The following MMP16 variants were observed in gnomAD, a reference collection of about 807,000 sequenced individuals.
MMP16 encodes the protein matrix metallopeptidase 16.
In MMP16, 12 loss-of-function variants were observed where a neutral mutation model predicts 67.8. That is an observed-to-expected ratio of 0.18 (90% CI 0.11 to 0.29). The LOEUF (loss-of-function observed/expected upper bound fraction) is 0.29. MMP16 is among the 10% of genes least tolerant of loss of function. The pLI is 1.00. For synonymous variants in MMP16, 249 were observed against 255.9 expected, an observed-to-expected ratio of 0.97 and a Z score of 0.26; for missense variants, 475 against 765.7, an observed-to-expected ratio of 0.62 and a Z score of 4.48.
intron 4 of MMP16, among the ~76,000 whole-genome samples, chr8:88,155,209 C>G (rs761019468): frequency 6.6e-6 from 1 of 151,846 alleles, no homozygotes; most frequent in Non-Finnish European, 1.5e-5. Flanking sequence ...ATTTCTAAAA[C>G]AAATATTTAT....
At chr8:88,167,492 A>C (rs750708486) in intron 4 of MMP16, among the ~76,000 whole-genome samples, 177 bp downstream of exon 4, 5 of 152,202 alleles carry the variant, frequency 3.3e-5, no homozygotes, top group African/African-American at 4.8e-5. Flanking sequence ...TAACTATATT[A>C]TCTAATGACC....
rs1808027490 is a variant in MMP16, at chr8:88,034,368, CAAAT to C, written c.*7089_*7092del. 1.3e-5 allele frequency: 2 copies of C among 152,070 alleles called. No homozygotes were observed. Among genetic ancestry groups the C allele is most frequent in the African/African-American group, 4.8e-5 (2 of 41,276 alleles). The allele number at this position is 152,070 out of a possible 1,614,324, so 9.4% of individuals were successfully genotyped here. A position where few individuals can be genotyped will look rare whatever the true frequency, so the allele number is the denominator to read the frequency against. ...TTTTGGGTGAGAAACAGAAGGCAAA[CAAAT>C]AACGATCTTAGAATTGGAGGAGCAG... On this transcript the variant is annotated 3_prime_UTR_variant, in exon 10 of 10. Transcript: ENST00000286614.
intron 4 of MMP16, among the ~76,000 whole-genome samples, chr8:88,156,880 A>C (rs1254091769): frequency 6.6e-6 from 1 of 152,166 alleles, no homozygotes; most frequent in East Asian, 1.9e-4. Flanking sequence ...ACAGTAGCTA[A>C]ATAATGGATA....
intron 6 of MMP16, among the ~76,000 whole-genome samples, chr8:88,094,891 C>A (rs1006661840): frequency 6.6e-6 from 1 of 151,732 alleles, no homozygotes; most frequent in Non-Finnish European, 1.5e-5. Context: ...TTTAAAGGGA[C>A]GTCAGAGCTT....
intron 4 of MMP16, among the ~76,000 whole-genome samples, chr8:88,149,116 T>G (rs765496353): frequency 6.6e-6 from 1 of 152,180 alleles, no homozygotes; most frequent in Middle Eastern, 3.4e-3. Flanking sequence ...ACCTGGAAAA[T>G]CGGGTCACTC....
At chr8:88,234,839 G>A (rs948295113) in intron 1 of MMP16, among the ~76,000 whole-genome samples, 3 of 152,182 alleles carry the variant, frequency 2.0e-5, no homozygotes, top group African/African-American at 7.2e-5. Flanking sequence ...TTGTTTAAAT[G>A]TCTTTCAGAA....
intron 6 of MMP16, among the ~76,000 whole-genome samples, chr8:88,095,914 A>C (rs1173272012): frequency 2.0e-5 from 3 of 151,972 alleles, no homozygotes; most frequent in Non-Finnish European, 2.9e-5. Context: ...GTGTATAAGA[A>C]AGCCAACTGT....
rs1475574811 is a variant in MMP16, at chr8:88,106,369, A to G, written c.1083+10138T>C. Among the ~76,000 whole-genome samples, 6 of 151,240 alleles carry G rather than the reference A, an allele frequency of 4.0e-5. No individual in the cohort carries two copies. The East Asian group carries it at 1.2e-3, about 30-fold the overall frequency. On this transcript the variant is annotated intron_variant, in intron 6 of 9. Coordinates refer to ENST00000286614, the MANE Select transcript of MMP16 (RefSeq NM_005941.5). ...AACCTCATTCTTTAAAAATAGCAAC[A>G]TTGTATTACATTGGCTAGGCTATGT...
intron 6 of MMP16, among the ~76,000 whole-genome samples, chr8:88,112,495 A>G (rs1809353527): frequency 1.3e-5 from 2 of 151,796 alleles, no homozygotes; most frequent in Admixed American, 1.3e-4. Flanking sequence ...AAGGAGTAGT[A>G]TTAAAATCAC....
chr8:88,125,425 C>T (rs2118455722), intron 4 of MMP16, among the ~76,000 whole-genome samples: 1 of 151,950 alleles, frequency 6.6e-6, no homozygotes, highest in East Asian at 1.9e-4. Flanking sequence ...TGCCATTTAA[C>T]AGGTCTTCCA....
intron 1 of MMP16, among the ~76,000 whole-genome samples, chr8:88,300,646 T>A (rs768470661): frequency 6.6e-6 from 1 of 152,214 alleles, no homozygotes; most frequent in African/African-American, 2.4e-5. Context: ...ACCACAGGTA[T>A]GTACGTACAG....
rs370017140 is a variant in MMP16 at position 88,311,194 on chromosome 8, G to A, written c.132+15881C>T. 2.0e-4 allele frequency among the ~76,000 whole-genome samples: 30 copies of A among 152,176 alleles called. No homozygotes were observed. In the South Asian group the frequency reaches 6.0e-3, roughly 31 times the overall value. ...CGACACCAAAAAAAATGTATATTAG[G>A]ATGGGGAAGAAATGAAGGAATTAAG... On this transcript the variant is annotated intron_variant, in intron 1 of 9. Transcript: ENST00000286614.
chr8:88,306,045 C>T (rs1407674723), intron 1 of MMP16, among the ~76,000 whole-genome samples: 1 of 148,726 alleles, frequency 6.7e-6, no homozygotes, highest in Non-Finnish European at 1.5e-5. Flanking sequence ...ACTAGGTAGA[C>T]TAAGGAAAAA....
intron 2 of MMP16, among the ~76,000 whole-genome samples, chr8:88,188,882 C>T (rs1029789023): frequency 2.6e-5 from 4 of 152,016 alleles, no homozygotes; most frequent in South Asian, 2.1e-4. Context: ...CTCAAACTCC[C>T]GAGCTCAGGT....
intron 1 of MMP16, among the ~76,000 whole-genome samples, chr8:88,255,390 G>A (rs1342676230): frequency 6.6e-6 from 1 of 152,132 alleles, no homozygotes; most frequent in Non-Finnish European, 1.5e-5. Flanking sequence ...AGAACCATGA[G>A]CCAAAATAAA....
At chr8:88,067,463 A>G (rs773226234) in intron 7 of MMP16, among the ~76,000 whole-genome samples, 1 of 152,136 alleles carries the variant, frequency 6.6e-6, no homozygotes, top group African/African-American at 2.4e-5. Flanking sequence ...CTGACATTCA[A>G]TAAATTTAAT....
chr8:88,185,843 T>C (rs1004984723), intron 3 of MMP16, among the ~76,000 whole-genome samples: 2 of 152,224 alleles, frequency 1.3e-5, no homozygotes, highest in Non-Finnish European at 2.9e-5. Flanking sequence ...TTCAACTTTT[T>C]GTGACTGTAA....
chr8:88,321,061 C>T (rs1408271958), intron 1 of MMP16, among the ~76,000 whole-genome samples: 4 of 152,120 alleles, frequency 2.6e-5, no homozygotes, highest in Non-Finnish European at 4.4e-5. Context: ...TCCCATATAT[C>T]ATTACTTAGC....
chr8:88,318,859 C>G (rs763546456), intron 1 of MMP16, among the ~76,000 whole-genome samples: 1 of 152,056 alleles, frequency 6.6e-6, no homozygotes, highest in African/African-American at 2.4e-5. Context: ...AATGGTATTT[C>G]CATGTTGCTG....
Sources: allele counts gnomAD v4.1 joint callset (sites outside exome capture counted in the v4.1 genomes callset), GRCh38; gene constraint gnomAD v4.1.1; transcripts MANE v1.5; gene names NCBI Gene and HGNC (gene_info 2026-07-23, HGNC 2026-07-21).